The following FSTL4 variants were observed in gnomAD, a reference collection of about 807,000 sequenced individuals.
FSTL4 encodes the protein follistatin like 4.
A neutral mutation model predicts 78.2 loss-of-function variants in FSTL4; 28 were observed. The observed-to-expected ratio is 0.36, with a 90% CI of 0.27 to 0.49. The LOEUF is 0.49. Among genes scored for constraint, FSTL4 ranks in the 20% least tolerant of loss-of-function variants. FSTL4 has a pLI of 0.98. For missense variants in FSTL4, 922 were observed against 1,084.9 expected (o/e 0.85, Z 2.11); for synonymous variants, 422 against 440.5 (o/e 0.96, Z 0.53).
intron 3 of FSTL4, among the ~76,000 whole-genome samples, chr5:133,419,730 G>A (rs1010120774): frequency 6.6e-6 from 1 of 152,162 alleles, no homozygotes; most frequent in Non-Finnish European, 1.5e-5. Flanking sequence ...GAATGTTCTG[G>A]TTCTCCCAGA....
At chr5:133,309,421 G>C (rs1753727527) in intron 6 of FSTL4, among the ~76,000 whole-genome samples, 1 of 152,212 alleles carries the variant, frequency 6.6e-6, no homozygotes, top group Non-Finnish European at 1.5e-5. Context: ...AGAGGCAATT[G>C]GGAGCCTTGG....
chr5:133,442,875 G>GT (rs1267028101), intron 3 of FSTL4, among the ~76,000 whole-genome samples: 2 of 152,172 alleles, frequency 1.3e-5, no homozygotes, highest in Admixed American at 6.5e-5. Flanking sequence ...CATTTTCATC[G>GT]TATCCAAGTA....
rs1351881611 is a variant in FSTL4 at position 133,361,009 on chromosome 5, A to G, written c.409+39729T>C. 6.6e-6 allele frequency among the ~76,000 whole-genome samples: 1 copy of G among 152,122 alleles called. No homozygotes were observed. The highest frequency in any genetic ancestry group is 1.5e-5 in the Non-Finnish European group (1 of 68,016). On this transcript the variant is annotated intron_variant, in intron 4 of 15. Transcript: ENST00000265342. This position sits in a 1 kb window ranked among gnomAD's most constrained non-coding sequence, Gnocchi z 4.3. ...AATCACAATAACACAATTGTGTAGG[A>G]CCTTTTTTTCTCTTCTTGGAGTTTA...
At chr5:133,831,530 G>A in the FSTL4 span, among the ~76,000 whole-genome samples, 5 of 152,124 alleles carry the variant, frequency 3.3e-5, no homozygotes, top group Admixed American at 6.5e-5. Context: ...CCTCGTAAAC[G>A]ACTCTTATAG....
the FSTL4 span, among the ~76,000 whole-genome samples, chr5:133,723,318 C>T: frequency 5.3e-5 from 8 of 152,162 alleles, no homozygotes; most frequent in East Asian, 1.9e-4. Flanking sequence ...GAGAAGAAGA[C>T]GTACTCCAGA....
At chr5:133,380,581 T>C (rs1402361975) in intron 4 of FSTL4, among the ~76,000 whole-genome samples, 1 of 151,866 alleles carries the variant, frequency 6.6e-6, no homozygotes, top group African/African-American at 2.4e-5. Context: ...CACTGGTAAA[T>C]TCTATCAAAC....
At chr5:133,818,546 T>C in the FSTL4 span, among the ~76,000 whole-genome samples, 2 of 152,118 alleles carry the variant, frequency 1.3e-5, no homozygotes, top group South Asian at 2.1e-4. Context: ...AGTGTTTCAT[T>C]GTAAATAATG....
intron 6 of FSTL4, among the ~76,000 whole-genome samples, chr5:133,280,177 C>A (rs961202812): frequency 3.4e-4 from 51 of 152,194 alleles, no homozygotes; most frequent in African/African-American, 1.2e-3. Flanking sequence ...ACTCAGGGAG[C>A]AAATCAACCT....
the FSTL4 span, among the ~76,000 whole-genome samples, chr5:133,749,699 C>A: frequency 6.6e-6 from 1 of 152,194 alleles, no homozygotes; most frequent in African/African-American, 2.4e-5. Flanking sequence ...GAAGAGGGGA[C>A]AGAGCTGGAA....
Position 133,429,056 on chromosome 5 carries a change from A to G in FSTL4, c.161-28070T>C, listed in dbSNP as rs191147591. Reference sequence around the variant, plus strand: ...AGGATAGCATAAATCAGGGGAAGAAACCCAACACTAAAGTTTCCATAGAGC... The same window carrying G: ...AGGATAGCATAAATCAGGGGAAGAAGCCCAACACTAAAGTTTCCATAGAGC... On this transcript the variant is annotated intron_variant, in intron 3 of 15. Coordinates refer to ENST00000265342, the MANE Select transcript of FSTL4 (RefSeq NM_015082.2). 2.4e-3 allele frequency among the ~76,000 whole-genome samples: 371 copies of G among 152,246 alleles called. 3 individuals are homozygous for G. Among genetic ancestry groups the G allele is most frequent in the African/African-American group, 7.8e-3 (323 of 41,534 alleles).
intron 1 of FSTL4, among the ~76,000 whole-genome samples, chr5:133,607,358 C>T (rs549873651): frequency 6.6e-6 from 1 of 152,288 alleles, no homozygotes; most frequent in South Asian, 2.1e-4. Context: ...TAGAGACTAT[C>T]TATTTGGTTA....
intron 3 of FSTL4, among the ~76,000 whole-genome samples, chr5:133,470,531 G>A (rs1757798872): frequency 6.6e-6 from 1 of 152,040 alleles, no homozygotes; most frequent in Admixed American, 6.6e-5. Flanking sequence ...GATCACCTGG[G>A]GTCAGGAGTT....
chr5:133,299,276 G>A (rs1424467957), intron 6 of FSTL4, among the ~76,000 whole-genome samples: 3 of 152,112 alleles, frequency 2.0e-5, no homozygotes, highest in African/African-American at 7.2e-5. Flanking sequence ...GCTCAGGAAG[G>A]GCCTACATGG....
chr5:133,427,534 G>A (rs1756846473), intron 3 of FSTL4: 8 of 478,526 alleles, frequency 1.7e-5, no homozygotes, highest in South Asian at 9.2e-5. Context: ...CAACACAGGC[G>A]GCTCTCCTCA....
At chr5:133,324,903 C>A (rs1442507455) in intron 4 of FSTL4, among the ~76,000 whole-genome samples, 1 of 152,252 alleles carries the variant, frequency 6.6e-6, no homozygotes, top group Non-Finnish European at 1.5e-5. Context: ...GCCATGCTCA[C>A]TGAAGCCCAG....
At chr5:133,420,548 C>T (rs1008864561) in intron 3 of FSTL4, among the ~76,000 whole-genome samples, 58 of 152,270 alleles carry the variant, frequency 3.8e-4, no homozygotes, top group African/African-American at 1.4e-3. Flanking sequence ...CTCTGACCCA[C>T]TCTAGGCTCT....
chr5:133,502,764 T>C (rs1273539113), intron 3 of FSTL4, among the ~76,000 whole-genome samples: 1 of 151,616 alleles, frequency 6.6e-6, no homozygotes, highest in African/African-American at 2.4e-5. Context: ...ATGCTTCCTG[T>C]AGAGCCTGCA....
chr5:133,397,920 C>A (rs914594323), intron 4 of FSTL4, among the ~76,000 whole-genome samples: 3 of 152,168 alleles, frequency 2.0e-5, no homozygotes, highest in Non-Finnish European at 4.4e-5. Flanking sequence ...GTATTAATAA[C>A]TCCCTGGAAA....
At chr5:133,744,971 T>G in the FSTL4 span, among the ~76,000 whole-genome samples, 1 of 151,948 alleles carries the variant, frequency 6.6e-6, no homozygotes, top group African/African-American at 2.4e-5. Context: ...AGGCTGGGAG[T>G]TGGAGGCAAG....
Sources: allele counts gnomAD v4.1 joint callset (sites outside exome capture counted in the v4.1 genomes callset), GRCh38; gene constraint gnomAD v4.1.1; non-coding constraint Gnocchi (gnomAD v3.1); transcripts MANE v1.5; gene names NCBI Gene and HGNC (gene_info 2026-07-23, HGNC 2026-07-21).